Variants in SHROOM4 observed in about 807,000 individuals in gnomAD.
SHROOM4 encodes the protein protein Shroom4.
In SHROOM4, 17 loss-of-function variants were observed where a neutral mutation model predicts 80.3. That is an observed-to-expected ratio of 0.21 (90% CI 0.14 to 0.32). SHROOM4 has a LOEUF of 0.32. Among genes scored for constraint, SHROOM4 ranks in the 10% least tolerant of loss-of-function variants. The probability of loss-of-function intolerance (pLI) is 1.00; values close to 1 mark genes in which losing one functional copy is unlikely to be tolerated. For missense variants in SHROOM4, 993 were observed against 1,140.3 expected, an observed-to-expected ratio of 0.87 and a Z score of 1.86; for synonymous variants, 400 against 437.5, an observed-to-expected ratio of 0.91 and a Z score of 1.07.
At chrX:50,584,206 G>T (rs1457287577), downstream of SHROOM4, among the ~76,000 whole-genome samples, 1 of 112,413 alleles carries the variant, frequency 8.9e-6, no homozygotes, top group African/African-American at 3.2e-5. Context: ...GAGATGAAAA[G>T]AAAATGTTTG....
At chrX:50,779,011 C>T (rs1269186810) in intron 1 of SHROOM4, among the ~76,000 whole-genome samples, 3 of 111,772 alleles carry the variant, frequency 2.7e-5, no homozygotes, top group Admixed American at 1.9e-4. Context: ...AGCATCTGGC[C>T]GAGTTACCAC....
chrX:50,576,996 T>C, the SHROOM4 span, among the ~76,000 whole-genome samples: 3 of 112,402 alleles, frequency 2.7e-5, no homozygotes, highest in South Asian at 7.3e-4. Flanking sequence ...GGAAAGTCTA[T>C]TGCATTTACC....
chrX:50,784,978 T>C (rs1298722277), intron 1 of SHROOM4, among the ~76,000 whole-genome samples: 1 of 111,829 alleles, frequency 8.9e-6, no homozygotes, highest in East Asian at 2.8e-4. Context: ...TCACTAAAGA[T>C]GATATACATA....
chrX:50,670,624 C>T (rs782070095), intron 2 of SHROOM4, among the ~76,000 whole-genome samples: 1 of 111,770 alleles, frequency 8.9e-6, no homozygotes, highest in South Asian at 3.8e-4. Flanking sequence ...GGTATATACC[C>T]AGTAATCAGA....
chrX:50,605,172 G>A (rs782419765), intron 6 of SHROOM4, among the ~76,000 whole-genome samples: 1 of 111,856 alleles, frequency 8.9e-6, no homozygotes, highest in East Asian at 2.8e-4. Context: ...CAAGCATAGT[G>A]AGCTACCTGA....
intron 1 of SHROOM4, among the ~76,000 whole-genome samples, chrX:50,702,174 A>G (rs1251886094): frequency 3.6e-5 from 4 of 111,840 alleles, no homozygotes. Context: ...AATTATAGTA[A>G]AGTGTCACTA....
At chrX:50,808,704 C>G (rs1936274804) in intron 1 of SHROOM4, among the ~76,000 whole-genome samples, 1 of 110,040 alleles carries the variant, frequency 9.1e-6, no homozygotes, top group South Asian at 4.0e-4. Context: ...GTCTGAGTCT[C>G]TCTTTTTTCT....
chrX:50,691,796 A>C (rs782107836), intron 2 of SHROOM4, among the ~76,000 whole-genome samples: 58 of 111,833 alleles, frequency 5.2e-4, no homozygotes, highest in Non-Finnish European at 9.8e-4. Context: ...CACAAATTTT[A>C]GGGTAATCAC....
chrX:50,575,666 A>G, the SHROOM4 span, among the ~76,000 whole-genome samples: 4 of 111,816 alleles, frequency 3.6e-5, no homozygotes, highest in African/African-American at 1.3e-4. Flanking sequence ...AATCTTGCAT[A>G]TTAAGTATGA....
intron 1 of SHROOM4, among the ~76,000 whole-genome samples, chrX:50,702,900 G>A (rs1933557444): frequency 1.8e-5 from 2 of 111,847 alleles, no homozygotes; most frequent in Admixed American, 9.5e-5. Flanking sequence ...GAATTCTCAC[G>A]AGACCTGATG....
the SHROOM4 span, among the ~76,000 whole-genome samples, chrX:50,576,603 G>GTGTGTGTGTGTGTGTGTT: frequency 9.1e-6 from 1 of 109,453 alleles, no homozygotes; most frequent in Non-Finnish European, 1.9e-5. Flanking sequence ...CTTCCATTTT[G>GTGTGTGTGTGTGTGTGTT]TGTGTGTGTG....
At position 50,635,252 on chromosome X, in the gene SHROOM4, G is replaced by C; in HGVS notation, c.821C>G (p.Pro274Arg). 8.3e-7 allele frequency: 1 copy of C among 1,203,351 alleles called. No homozygotes were observed. The highest frequency in any genetic ancestry group is 1.7e-5 in the African/African-American group (1 of 57,812). Residue 274 changes from proline to arginine, a missense_variant, in exon 4 of 9, where the codon CCA becomes CGA. Coordinates refer to ENST00000376020, the MANE Select transcript of SHROOM4 (RefSeq NM_020717.5). ...SGPAKAVRGP[P>R]QPPVRRDSLQ... ...GCTGTCCCGCCTCACTGGAGGTTGT[G>C]GTGGGCCCCTGACTGCTTTGGCGGG...
chrX:50,793,709 A>G (rs782025006), intron 1 of SHROOM4, among the ~76,000 whole-genome samples: 1 of 108,219 alleles, frequency 9.2e-6, no homozygotes, highest in South Asian at 4.2e-4. Flanking sequence ...AGTAACTAGT[A>G]TCACCCTTCT....
At position 50,795,075 on chromosome X, in the gene SHROOM4, G is replaced by GAT. The variant is rs782163043; in HGVS notation, c.117+18825_117+18826dup. Among the ~76,000 whole-genome samples the GAT allele has an allele frequency of 1.4e-3, 30 of 22,124 alleles. 3 individuals carry two copies. Among genetic ancestry groups the GAT allele is most frequent in the African/African-American group, 3.8e-3 (26 of 6,757 alleles). The allele number at this position is 22,124 out of a possible 115,157, so 19.2% of individuals were successfully genotyped here. On this transcript the variant is annotated intron_variant, in intron 1 of 8. Transcript: ENST00000376020. ...TGATATATATATGATATATATATAT[G>GAT]ATATATATATATGATATATATATAT...
chrX:50,784,476 T>C (rs1935696108), intron 1 of SHROOM4, among the ~76,000 whole-genome samples: 1 of 111,769 alleles, frequency 8.9e-6, no homozygotes, highest in Middle Eastern at 4.2e-3. Context: ...AAAAGGATAA[T>C]CTTTTAATCA....
intron 1 of SHROOM4, among the ~76,000 whole-genome samples, chrX:50,808,526 G>T (rs1936272194): frequency 9.0e-6 from 1 of 111,647 alleles, no homozygotes; most frequent in Non-Finnish European, 1.9e-5. Context: ...CTTGGTGCTT[G>T]AGGGGTAGAG....
Position 50,602,725 on chromosome X carries a change from C to T in SHROOM4, c.3850G>A (p.Ala1284Thr), listed in dbSNP as rs782494506. ...SAYYNISVAKAELLNKLKDQP... is the reference protein window; with the variant it reads ...SAYYNISVAKTELLNKLKDQP... ...TCTTTCAGTTTGTTCAGCAGCTCTG[C>T]CTTGGCCACAGAAATATTGTAATAA... Residue 1284 changes from alanine (A) to threonine (T), a missense_variant, in exon 7 of 9, where the codon GCA (alanine) becomes ACA (threonine). By Grantham distance (58) the Ala-to-Thr change is moderately conservative (BLOSUM62 0). Coordinates refer to ENST00000376020, the MANE Select transcript of SHROOM4 (RefSeq NM_020717.5). The T allele has an allele frequency of 5.8e-6, 7 of 1,209,271 alleles. No homozygotes were observed.
chrX:50,612,419 A>T (rs1402469376), intron 5 of SHROOM4, among the ~76,000 whole-genome samples: 1 of 111,889 alleles, frequency 8.9e-6, no homozygotes, highest in Non-Finnish European at 1.9e-5. Context: ...AAAATAGCAC[A>T]ATCACATAGT....
At chrX:50,598,596 G>C (rs1468233121) in intron 7 of SHROOM4, 61 bp from the exon 8 acceptor site, 5 of 1,127,591 alleles carry the variant, frequency 4.4e-6, no homozygotes, top group Non-Finnish European at 6.0e-6. Context: ...AAACTGATTT[G>C]TGCCTGTAAC....
Sources: allele counts gnomAD v4.1 joint callset (sites outside exome capture counted in the v4.1 genomes callset), GRCh38; gene constraint gnomAD v4.1.1; transcripts MANE v1.5; gene names NCBI Gene and HGNC (gene_info 2026-07-23, HGNC 2026-07-21).